Variants in ZNRF1 observed in about 807,000 individuals in gnomAD.
ZNRF1 encodes the protein zinc and ring finger 1, also known as E3 ubiquitin-protein ligase ZNRF1.
Under a neutral mutation model 18.4 loss-of-function variants are expected in ZNRF1, and 3 were observed. The observed-to-expected ratio is 0.16, with a 90% confidence interval of 0.07 to 0.42. The LOEUF (loss-of-function observed/expected upper bound fraction) is 0.42, where lower values mean the gene tolerates loss of function less well. Ranked by LOEUF, ZNRF1 falls within the 10% of genes least tolerant of loss-of-function variation. The probability of loss-of-function intolerance (pLI) is 0.99; values close to 1 mark genes in which losing one functional copy is unlikely to be tolerated. For synonymous variants in ZNRF1, 157 were observed against 144.2 expected (o/e 1.09, Z -0.64); for missense variants, 310 against 329.8 (o/e 0.94, Z 0.47).
At chr16:75,069,316 T>G (rs1219082205) in intron 1 of ZNRF1, among the ~76,000 whole-genome samples, 1 of 152,234 alleles carries the variant, frequency 6.6e-6, no homozygotes, top group Non-Finnish European at 1.5e-5. Flanking sequence ...ATTTCCTGTA[T>G]CCACCATCTT....
chr16:75,001,451 G>A (rs1051764586), intron 1 of ZNRF1, among the ~76,000 whole-genome samples: 1 of 152,164 alleles, frequency 6.6e-6, no homozygotes, highest in Non-Finnish European at 1.5e-5. Context: ...ACAGACCTCC[G>A]GATATCATTG....
intron 1 of ZNRF1, among the ~76,000 whole-genome samples, chr16:75,016,471 C>T (rs1473870882): frequency 6.6e-6 from 1 of 151,794 alleles, no homozygotes; most frequent in Non-Finnish European, 1.5e-5. Flanking sequence ...TACTCCTGAC[C>T]TCAAGTGATC....
At chr16:75,077,446 T>C (rs1239548454) in intron 1 of ZNRF1, among the ~76,000 whole-genome samples, 1 of 152,164 alleles carries the variant, frequency 6.6e-6, no homozygotes, top group African/African-American at 2.4e-5. Context: ...GCAGGAGAAT[T>C]GCTCGAACCT....
chr16:75,018,500 C>T (rs1040875691), intron 1 of ZNRF1, among the ~76,000 whole-genome samples: 9 of 151,996 alleles, frequency 5.9e-5, no homozygotes, highest in Non-Finnish European at 1.3e-4. Context: ...TTATTTTTCT[C>T]CTGCTTTTTT....
chr16:75,065,216 C>T (rs923302366), intron 1 of ZNRF1, among the ~76,000 whole-genome samples: 2 of 152,212 alleles, frequency 1.3e-5, no homozygotes, highest in African/African-American at 4.8e-5. Context: ...CTGGGGGAGG[C>T]TGTTCACTTC....
chr16:75,014,344 C>G (rs1490521834), intron 1 of ZNRF1, among the ~76,000 whole-genome samples: 1 of 152,080 alleles, frequency 6.6e-6, no homozygotes, highest in Non-Finnish European at 1.5e-5. Flanking sequence ...CTGTAGCTAT[C>G]CAAAACACCA....
intron 1 of ZNRF1, among the ~76,000 whole-genome samples, chr16:75,077,553 T>C (rs1298146230): frequency 6.6e-6 from 1 of 151,888 alleles, no homozygotes; most frequent in East Asian, 1.9e-4. Context: ...AAAAAAAGAG[T>C]TGATTTTTTA....
intron 1 of ZNRF1, among the ~76,000 whole-genome samples, chr16:75,082,963 C>T (rs2030111912): frequency 2.6e-5 from 4 of 152,150 alleles, no homozygotes; most frequent in Non-Finnish European, 5.9e-5. Context: ...GACACTTCAC[C>T]ATGTAACAAC....
intron 1 of ZNRF1, among the ~76,000 whole-genome samples, chr16:75,071,380 G>A (rs902549297): frequency 2.0e-5 from 3 of 152,052 alleles, no homozygotes; most frequent in Non-Finnish European, 4.4e-5. Context: ...GTGAACCACC[G>A]TACCTGGCCA....
intron 1 of ZNRF1, among the ~76,000 whole-genome samples, chr16:75,051,520 CTTTT>C (rs760226539): frequency 7.1e-6 from 1 of 141,834 alleles, no homozygotes; most frequent in African/African-American, 2.6e-5. Context: ...GCATCTTCCC[CTTTT>C]TTTTTTTGGG....
At chr16:75,010,711 G>GTGTTTTTTTTTTTTTTTTTT (rs1367958306) in intron 1 of ZNRF1, among the ~76,000 whole-genome samples, 2 of 74,324 alleles carry the variant, frequency 2.7e-5, no homozygotes, top group African/African-American at 7.8e-5. Context: ...GTTTTTTTTT[G>GTGTTTTTTTTTTTTTTTTTT]TTTTTTTGTT....
intron 1 of ZNRF1, among the ~76,000 whole-genome samples, chr16:75,092,797 G>A (rs568767723): frequency 1.3e-5 from 2 of 152,304 alleles, no homozygotes; most frequent in South Asian, 4.1e-4. Context: ...TTGCTACCTG[G>A]CATGGGCGGC....
intron 1 of ZNRF1, among the ~76,000 whole-genome samples, chr16:75,030,082 A>C (rs1053902347): frequency 6.9e-6 from 1 of 144,154 alleles, no homozygotes; most frequent in Non-Finnish European, 1.5e-5. Flanking sequence ...AAAAAAAAAA[A>C]CCTGTTATTG....
At position 75,000,030 on chromosome 16, in the gene ZNRF1, C is replaced by T. The variant is rs762030347; in HGVS notation, c.359C>T (p.Ser120Phe). ...HHRDGMLYLG[S>F]RASLADALPL... Reference sequence around the variant, plus strand: ...AGAGACGGGATGCTGTACCTGGGCTCCCGAGCCTCGCTGGCGGATGCTCTA... The same window carrying T: ...AGAGACGGGATGCTGTACCTGGGCTTCCGAGCCTCGCTGGCGGATGCTCTA... Residue 120 changes from serine (S) to phenylalanine (F), a missense_variant, in exon 1 of 5, where the codon TCC (serine) becomes TTC (phenylalanine). Ser to Phe is a radical substitution (Grantham distance 155). Coordinates refer to ENST00000335325, the MANE Select transcript of ZNRF1 (RefSeq NM_032268.5). 4.4e-6 allele frequency: 7 copies of T among 1,596,394 alleles called. No homozygotes were observed. The highest frequency in any genetic ancestry group is 6.0e-6 in the Non-Finnish European group (7 of 1,172,782).
chr16:75,073,350 G>A (rs1359879285), intron 1 of ZNRF1, among the ~76,000 whole-genome samples: 1 of 151,756 alleles, frequency 6.6e-6, no homozygotes, highest in Non-Finnish European at 1.5e-5. Flanking sequence ...ATGGTGTTGA[G>A]TTAATGCTAT....
At chr16:75,083,829 T>C (rs1307740851) in intron 1 of ZNRF1, among the ~76,000 whole-genome samples, 1 of 151,970 alleles carries the variant, frequency 6.6e-6, no homozygotes, top group African/African-American at 2.4e-5. Flanking sequence ...ACCTGGAAGA[T>C]AGAACCAAGA....
At chr16:75,066,410 C>T (rs2035804971) in intron 1 of ZNRF1, among the ~76,000 whole-genome samples, 2 of 152,282 alleles carry the variant, frequency 1.3e-5, no homozygotes, top group African/African-American at 2.4e-5. Context: ...AGTTCAGTAC[C>T]ATTTTATGTT....
chr16:75,029,889 G>A (rs1437237035), intron 1 of ZNRF1, among the ~76,000 whole-genome samples: 1 of 151,714 alleles, frequency 6.6e-6, no homozygotes, highest in East Asian at 1.9e-4. Flanking sequence ...ACAAAAATTA[G>A]CCAGGTGAAG....
At chr16:75,043,244 T>G (rs190669250) in intron 1 of ZNRF1, among the ~76,000 whole-genome samples, 2 of 152,314 alleles carry the variant, frequency 1.3e-5, no homozygotes, top group East Asian at 3.9e-4. Context: ...CATGGTTGAT[T>G]GCATTTATCA....
Sources: allele counts gnomAD v4.1 joint callset (sites outside exome capture counted in the v4.1 genomes callset), GRCh38; gene constraint gnomAD v4.1.1; transcripts MANE v1.5; gene names NCBI Gene and HGNC (gene_info 2026-07-23, HGNC 2026-07-21).